SNRK: variants seen among roughly 807,000 people sequenced by gnomAD.
SNRK encodes the protein SNF-related serine/threonine-protein kinase.
In SNRK, 3 loss-of-function variants were observed where a neutral mutation model predicts 48.2. That is an observed-to-expected ratio of 0.06 (90% CI 0.03 to 0.16). The LOEUF (loss-of-function observed/expected upper bound fraction) is 0.16, where lower values mean the gene tolerates loss of function less well. SNRK is among the 10% of genes least tolerant of loss of function. The pLI, the probability that SNRK is intolerant of heterozygous loss-of-function variation, is 1.00. For synonymous variants in SNRK, 376 were observed against 366.1 expected (o/e 1.03, Z -0.31); for missense variants, 627 against 976.0 (o/e 0.64, Z 4.76).
intron 6 of SNRK, among the ~76,000 whole-genome samples, chr3:43,344,816 G>A (rs2091263221): frequency 6.6e-6 from 1 of 152,078 alleles, no homozygotes; most frequent in Non-Finnish European, 1.5e-5. Flanking sequence ...GCAAGAAAGA[G>A]TAACCCCAAG....
At position 43,348,583 on chromosome 3, in the gene SNRK, C is replaced by T. The variant is rs147533894; in HGVS notation, c.*26C>T. ...CTGTGGCCCCATCTGGCCGCTAGCACGCTTCCTGCTCAGAGCAGTGAAGAC... is the reference window on the plus strand; with the variant it reads ...CTGTGGCCCCATCTGGCCGCTAGCATGCTTCCTGCTCAGAGCAGTGAAGAC... On this transcript the variant is annotated 3_prime_UTR_variant, in exon 7 of 7. Coordinates refer to ENST00000296088, the MANE Select transcript of SNRK (RefSeq NM_017719.5). 273 of 1,512,060 alleles carry T rather than the reference C, an allele frequency of 1.8e-4. No homozygotes were observed. In the East Asian group the frequency reaches 5.4e-3, roughly 30 times the overall value. The allele number at this position is 1,512,060 out of a possible 1,614,324, so 93.7% of individuals were successfully genotyped here.
At chr3:43,342,361 A>T (rs975747188) in intron 5 of SNRK, among the ~76,000 whole-genome samples, 4 of 152,104 alleles carry the variant, frequency 2.6e-5, no homozygotes, top group Non-Finnish European at 5.9e-5. Context: ...CCTTTCTCTC[A>T]CAATACATTT....
chr3:43,311,604 A>T (rs1387717136), intron 3 of SNRK, among the ~76,000 whole-genome samples: 1 of 152,162 alleles, frequency 6.6e-6, no homozygotes, highest in African/African-American at 2.4e-5. Flanking sequence ...CCTGTGGTAG[A>T]GTGCAGTGCA....
At chr3:43,323,251 T>C (rs1037204304) in intron 3 of SNRK, among the ~76,000 whole-genome samples, 1 of 152,122 alleles carries the variant, frequency 6.6e-6, no homozygotes, top group Non-Finnish European at 1.5e-5. Flanking sequence ...ACATAGGGGA[T>C]CTTTGCAACC....
intron 6 of SNRK, among the ~76,000 whole-genome samples, chr3:43,345,526 T>C (rs944355018): frequency 3.9e-5 from 6 of 152,136 alleles, no homozygotes; most frequent in East Asian, 1.9e-4. Flanking sequence ...GAGACTGATA[T>C]CCAGTCTCCT....
chr3:43,296,134 T>C (rs1172943992), intron 1 of SNRK, among the ~76,000 whole-genome samples: 1 of 152,134 alleles, frequency 6.6e-6, no homozygotes, highest in Non-Finnish European at 1.5e-5. Flanking sequence ...CCTGGAAGAC[T>C]TAGTTTACTG....
intron 3 of SNRK, among the ~76,000 whole-genome samples, chr3:43,318,205 G>A (rs900999851): frequency 6.6e-6 from 1 of 152,176 alleles, no homozygotes; most frequent in Non-Finnish European, 1.5e-5. Context: ...GTGGGAAAAT[G>A]GGGAGGAAGG....
chr3:43,342,155 T>C (rs1174129223), intron 5 of SNRK, among the ~76,000 whole-genome samples: 3 of 152,226 alleles, frequency 2.0e-5, no homozygotes, highest in Non-Finnish European at 4.4e-5. Context: ...CTAGAACTAC[T>C]TAATATAAAT....
At chr3:43,345,840 A>C (rs538229739) in intron 6 of SNRK, among the ~76,000 whole-genome samples, 2 of 152,370 alleles carry the variant, frequency 1.3e-5, no homozygotes, top group African/African-American at 4.8e-5. Flanking sequence ...TTTCAGATAT[A>C]GTAGCACTAA....
chr3:43,288,597 T>C lies in SNRK; in HGVS notation c.-169+1922T>C, dbSNP rs55812049. 9.5e-3 allele frequency among the ~76,000 whole-genome samples: 1,448 copies of C among 152,266 alleles called. 8 individuals are homozygous for C. Among genetic ancestry groups the C allele is most frequent in the Non-Finnish European group, 0.015 (1,053 of 68,008 alleles). ...GAAAGTGAAACCAAATAGAAAAATATTTATTTCTGGAGATACTGAGCAGCC... is the reference window on the plus strand; with the variant it reads ...GAAAGTGAAACCAAATAGAAAAATACTTATTTCTGGAGATACTGAGCAGCC... On this transcript the variant is annotated intron_variant, in intron 1 of 6. Transcript: ENST00000296088.
intron 3 of SNRK, among the ~76,000 whole-genome samples, chr3:43,316,176 T>C (rs1395718384): frequency 6.6e-6 from 1 of 152,326 alleles, no homozygotes; most frequent in East Asian, 1.9e-4. Flanking sequence ...TGTTTTTTAT[T>C]TTCCCCACTG....
chr3:43,327,686 CT>C (rs1347662893), intron 3 of SNRK, among the ~76,000 whole-genome samples: 5 of 144,864 alleles, frequency 3.5e-5, no homozygotes, highest in Non-Finnish European at 7.4e-5. Flanking sequence ...TTGGCATTTG[CT>C]TTTCCTCAGA....
At chr3:43,328,277 C>T (rs1173700143) in intron 3 of SNRK, among the ~76,000 whole-genome samples, 1 of 151,488 alleles carries the variant, frequency 6.6e-6, no homozygotes, top group Non-Finnish European at 1.5e-5. Context: ...TGGTCTATAC[C>T]TTAGGAGTTT....
At chr3:43,323,375 C>G (rs1438734027) in intron 3 of SNRK, among the ~76,000 whole-genome samples, 1 of 152,176 alleles carries the variant, frequency 6.6e-6, no homozygotes, top group Non-Finnish European at 1.5e-5. Context: ...TGCAGATGTT[C>G]CACACCATTA....
At chr3:43,340,791 G>A in intron 5 of SNRK, 1 of 384,042 alleles carries the variant, frequency 2.6e-6, no homozygotes, top group Non-Finnish European at 4.8e-6. Context: ...TTGTATCCCA[G>A]TATGTACCTT....
rs576898253 is a variant in SNRK, at chr3:43,288,439, A to G, written c.-169+1764A>G. Among the ~76,000 whole-genome samples the G allele has an allele frequency of 1.5e-4, 23 of 152,214 alleles. 1 individual carries two copies. The highest frequency in any genetic ancestry group is 3.1e-4 in the Non-Finnish European group (21 of 68,042). On this transcript the variant is annotated intron_variant, in intron 1 of 6. Coordinates refer to ENST00000296088, the MANE Select transcript of SNRK (RefSeq NM_017719.5). ...AGTATAGGTTGGGTCTTTATGGTTT[A>G]GATTTAATCACATAATCCTAAAAGA...
intron 1 of SNRK, among the ~76,000 whole-genome samples, chr3:43,290,705 C>T (rs2090805061): frequency 6.6e-6 from 1 of 152,220 alleles, no homozygotes; most frequent in East Asian, 1.9e-4. Flanking sequence ...TTTGTTAAAC[C>T]ATCATCTCTG....
intron 4 of SNRK, among the ~76,000 whole-genome samples, chr3:43,335,109 G>C (rs1418525202): frequency 6.6e-6 from 1 of 151,498 alleles, no homozygotes; most frequent in Non-Finnish European, 1.5e-5. Flanking sequence ...CTTTTCTCTT[G>C]TCTGTAGTAT....
intron 1 of SNRK, 95 bp downstream of exon 1, chr3:43,286,770 G>C (rs947281142): frequency 6.1e-5 from 9 of 148,004 alleles, no homozygotes; most frequent in African/African-American, 2.2e-4. Flanking sequence ...CTGTTGCCGG[G>C]CTGGGCGCCC....
Sources: allele counts gnomAD v4.1 joint callset (sites outside exome capture counted in the v4.1 genomes callset), GRCh38; gene constraint gnomAD v4.1.1; transcripts MANE v1.5; gene names NCBI Gene and HGNC (gene_info 2026-07-23, HGNC 2026-07-21).